The following CFAP20 variants were observed in gnomAD, a reference collection of about 807,000 sequenced individuals.
CFAP20 encodes cilia- and flagella-associated protein 20.
In CFAP20, 14 loss-of-function variants were observed where a neutral mutation model predicts 25.5. The observed-to-expected ratio is 0.55, with a 90% CI of 0.36 to 0.86. The LOEUF (loss-of-function observed/expected upper bound fraction) is 0.86. Ranked by LOEUF, CFAP20 falls within the 40% of genes least tolerant of loss-of-function variation. CFAP20 has a pLI of 0.01. For missense variants in CFAP20, 181 were observed against 248.0 expected, an observed-to-expected ratio of 0.73 and a Z score of 1.81; for synonymous variants, 75 against 91.1, an observed-to-expected ratio of 0.82 and a Z score of 1.01.
intron 1 of CFAP20, among the ~76,000 whole-genome samples, chr16:58,118,553 G>A (rs1201598170): frequency 6.6e-6 from 1 of 150,766 alleles, no homozygotes; most frequent in African/African-American, 2.4e-5. Context: ...GCTGGGGTCA[G>A]GCATGGTGGT....
At chr16:58,117,060 A>G in intron 1 of CFAP20, 109 bp from the exon 2 acceptor site, 2 of 860,262 alleles carry the variant, frequency 2.3e-6, no homozygotes, top group Non-Finnish European at 1.9e-6. Context: ...TTTGTGACAC[A>G]GCACACTGAA....
intron 1 of CFAP20, among the ~76,000 whole-genome samples, chr16:58,118,817 G>C (rs1049609729): frequency 6.6e-6 from 1 of 152,122 alleles, no homozygotes; most frequent in African/African-American, 2.4e-5. Flanking sequence ...GTGAGATCCT[G>C]TCTCAAAAAT....
At chr16:58,123,680 C>T (rs1057120384) in intron 1 of CFAP20, among the ~76,000 whole-genome samples, 1 of 148,682 alleles carries the variant, frequency 6.7e-6, no homozygotes, top group East Asian at 2.0e-4. Flanking sequence ...AACAGAACCT[C>T]CTGGTATTTT....
At chr16:58,119,970 C>T (rs1241485039) in intron 1 of CFAP20, among the ~76,000 whole-genome samples, 1 of 149,140 alleles carries the variant, frequency 6.7e-6, no homozygotes, top group Non-Finnish European at 1.5e-5. Context: ...CTACTGTTCC[C>T]AACCTAAGTG....
Position 58,113,913 on chromosome 16 carries a change from A to G in CFAP20, c.*112T>C, listed in dbSNP as rs1960416961. On this transcript the variant is annotated 3_prime_UTR_variant, in exon 6 of 6. Transcript: ENST00000262498. Reference sequence around the variant, plus strand: ...AAGCAACACCAAGTATAAATAACAGAACTACAGCAGAGCAAACTAAGATAA... The same window carrying G: ...AAGCAACACCAAGTATAAATAACAGGACTACAGCAGAGCAAACTAAGATAA... 4.0e-6 allele frequency: 5 copies of G among 1,265,436 alleles called. No individual in the cohort carries two copies. The Admixed American group carries it at 5.1e-5, about 13-fold the overall frequency. 78.4% of individuals were successfully genotyped at this position (1,265,436 alleles called of 1,614,324 possible).
At chr16:58,116,218 A>G in intron 2 of CFAP20, 66 bp from the exon 3 acceptor site, 2 of 1,177,150 alleles carry the variant, frequency 1.7e-6, no homozygotes, top group East Asian at 2.4e-5. Flanking sequence ...ATGCACAACA[A>G]TAACACACGG....
At chr16:58,121,766 C>G (rs555168377) in intron 1 of CFAP20, among the ~76,000 whole-genome samples, 3 of 152,190 alleles carry the variant, frequency 2.0e-5, no homozygotes, top group Admixed American at 6.5e-5. Flanking sequence ...TCTCCCTCCC[C>G]GCAATGTAAG....
At chr16:58,126,336 A>G (rs373267287) in intron 1 of CFAP20, among the ~76,000 whole-genome samples, 1 of 152,200 alleles carries the variant, frequency 6.6e-6, no homozygotes, top group Non-Finnish European at 1.5e-5. Flanking sequence ...TGAGCTTCAG[A>G]GAGTCAAATA....
In CFAP20 at chr16:58,118,524, A is replaced by C. The variant is rs1358053137; in HGVS notation, c.85-1573T>G. Among the ~76,000 whole-genome samples, 15 of 150,314 alleles carry C rather than the reference A, an allele frequency of 1.0e-4. 1 individual carries two copies. The South Asian group carries it at 2.1e-3, about 21-fold the overall frequency. On this transcript the variant is annotated intron_variant, in intron 1 of 5. Coordinates refer to ENST00000262498, the MANE Select transcript of CFAP20 (RefSeq NM_013242.3). ...CAAAACAAAAAACGAAAAAAAAAAAACAAAACCAAAAAAACATGGCTGGGG... is the reference window on the plus strand; with the variant it reads ...CAAAACAAAAAACGAAAAAAAAAAACCAAAACCAAAAAAACATGGCTGGGG...
At chr16:58,124,949 T>A (rs1960591963) in intron 1 of CFAP20, among the ~76,000 whole-genome samples, 1 of 152,226 alleles carries the variant, frequency 6.6e-6, no homozygotes, top group South Asian at 2.1e-4. Flanking sequence ...TTTTCTTTCA[T>A]CAATAATAAA....
chr16:58,118,454 G>A (rs1488663641), intron 1 of CFAP20, among the ~76,000 whole-genome samples: 1 of 150,548 alleles, frequency 6.6e-6, no homozygotes, highest in Non-Finnish European at 1.5e-5. Flanking sequence ...CTGCACTCCA[G>A]CCTAGAGGAG....
At chr16:58,127,456 G>T (rs1302744145) in intron 1 of CFAP20, among the ~76,000 whole-genome samples, 5 of 152,156 alleles carry the variant, frequency 3.3e-5, no homozygotes, top group African/African-American at 1.2e-4. Context: ...TGGCACAGAG[G>T]GCCCCCCTCT....
intron 1 of CFAP20, among the ~76,000 whole-genome samples, chr16:58,122,168 C>T (rs1472556279): frequency 2.6e-5 from 4 of 152,238 alleles, no homozygotes; most frequent in Non-Finnish European, 4.4e-5. Flanking sequence ...ACTCCCTTCG[C>T]TGTACTTGAC....
chr16:58,123,243 T>G (rs1302453315), intron 1 of CFAP20, among the ~76,000 whole-genome samples: 2 of 146,924 alleles, frequency 1.4e-5, no homozygotes, highest in African/African-American at 4.9e-5. Context: ...CGCCTTGGCC[T>G]CCCAAAGTGC....
In CFAP20 at chr16:58,129,247, C is replaced by A; in HGVS notation, c.-132G>T. Reference sequence around the variant, plus strand: ...AGAAGGGTGGTTGAGCTCCTGGCCTCCGGATCTGCAGCCACTGATGGCCGG... The same window carrying A: ...AGAAGGGTGGTTGAGCTCCTGGCCTACGGATCTGCAGCCACTGATGGCCGG... On this transcript the variant is annotated 5_prime_UTR_variant, in exon 1 of 6. Transcript: ENST00000262498. 1 of 921,290 alleles carries A rather than the reference C, an allele frequency of 1.1e-6. No homozygotes were observed. Among genetic ancestry groups the A allele is most frequent in the Admixed American group, 2.4e-5 (1 of 41,616 alleles). 57.1% of individuals were successfully genotyped at this position (921,290 alleles called of 1,614,324 possible).
At chr16:58,127,716 G>A (rs1333417160) in intron 1 of CFAP20, among the ~76,000 whole-genome samples, 1 of 152,198 alleles carries the variant, frequency 6.6e-6, no homozygotes, top group Admixed American at 6.5e-5. Context: ...GAAGAGATGG[G>A]CAGATTTTAC....
chr16:58,129,284 G>T lies in CFAP20; in HGVS notation c.-169C>A. 1.5e-6 allele frequency: 1 copy of T among 653,636 alleles called. No individual in the cohort carries two copies. Among genetic ancestry groups the T allele is most frequent in the Non-Finnish European group, 2.6e-6 (1 of 382,560 alleles). The allele number at this position is 653,636 out of a possible 1,614,324, so 40.5% of individuals were successfully genotyped here. A position where few individuals can be genotyped will look rare whatever the true frequency, so the allele number is the denominator to read the frequency against. On this transcript the variant is annotated 5_prime_UTR_variant, in exon 1 of 6. Coordinates refer to ENST00000262498, the MANE Select transcript of CFAP20 (RefSeq NM_013242.3). ...CCACTGATGGCCGGACTCGGACGCG[G>T]CAACGCTAAGTCCGCGATCTTCAGC...
At chr16:58,125,784 A>G (rs559357489) in intron 1 of CFAP20, among the ~76,000 whole-genome samples, 1 of 152,372 alleles carries the variant, frequency 6.6e-6, no homozygotes, top group African/African-American at 2.4e-5. Flanking sequence ...ACATCATTGT[A>G]TATGCTATAC....
chr16:58,119,540 G>A (rs553099267), intron 1 of CFAP20, among the ~76,000 whole-genome samples: 1 of 152,306 alleles, frequency 6.6e-6, no homozygotes, highest in South Asian at 2.1e-4. Context: ...ACAAATGGGT[G>A]CCCATTGTCA....
Sources: gnomAD v4.1 joint callset for allele counts (sites outside exome capture counted in the v4.1 genomes callset) on GRCh38, gnomAD v4.1.1 for gene constraint, MANE v1.5 for transcripts, NCBI Gene and HGNC (gene_info 2026-07-23, HGNC 2026-07-21) for gene names.